Variants in EPM2A observed in about 807,000 individuals in gnomAD.
EPM2A encodes the protein EPM2A glucan phosphatase, laforin.
EPM2A carries 21 observed loss-of-function variants against 26.5 expected under a neutral mutation model. The ratio of observed to expected loss-of-function variants is 0.79; its 90% confidence interval spans 0.56 to 1.14. The LOEUF (loss-of-function observed/expected upper bound fraction) is 1.14. EPM2A is among the 50% of genes most tolerant of loss of function. The pLI, the probability that EPM2A is intolerant of heterozygous loss-of-function variation, is 0.00. For missense variants in EPM2A, 458 were observed against 440.8 expected (o/e 1.04, Z -0.35); for synonymous variants, 217 against 177.6 (o/e 1.22, Z -1.76).
intron 2 of EPM2A, among the ~76,000 whole-genome samples, chr6:145,509,642 C>T (rs1780026527): frequency 6.6e-6 from 1 of 152,102 alleles, no homozygotes; most frequent in Non-Finnish European, 1.5e-5. Context: ...CACAGAAGCA[C>T]ATAGCCTATG....
chr6:145,698,662 T>A (rs7744082), intron 1 of EPM2A, among the ~76,000 whole-genome samples: 10,132 of 151,992 alleles, frequency 0.067, 1,129 homozygotes, highest in African/African-American at 0.23. Flanking sequence ...GTGCATTTTT[T>A]AAAATACTAA....
At chr6:145,570,655 C>G (rs1190822537) in intron 2 of EPM2A, among the ~76,000 whole-genome samples, 1 of 152,198 alleles carries the variant, frequency 6.6e-6, no homozygotes, top group Non-Finnish European at 1.5e-5. Context: ...TTGCCTTCAG[C>G]AAGCACCTCA....
At position 145,626,328 on chromosome 6, in the gene EPM2A, C is replaced by A. The variant is rs1775805328; in HGVS notation, c.*1088G>T. ...ATATTATACTAAATTGAGAGCTGAG[C>A]CAGGATGGCCAAGGCTGTGAAGCAA... On this transcript the variant is annotated 3_prime_UTR_variant, in exon 4 of 4. Coordinates refer to ENST00000367519, the MANE Select transcript of EPM2A (RefSeq NM_005670.4). 2 of 985,854 alleles carry A rather than the reference C, an allele frequency of 2.0e-6. No homozygotes were observed. Among genetic ancestry groups the A allele is most frequent in the Non-Finnish European group, 2.4e-6 (2 of 830,100 alleles). The allele number at this position is 985,854 out of a possible 1,614,324, so 61.1% of individuals were successfully genotyped here. A position where few individuals can be genotyped will look rare whatever the true frequency, so the allele number is the denominator to read the frequency against.
chr6:145,702,351 G>A (rs1781962320), intron 1 of EPM2A, among the ~76,000 whole-genome samples: 1 of 152,112 alleles, frequency 6.6e-6, no homozygotes, highest in East Asian at 1.9e-4. Flanking sequence ...TTTTATAGCA[G>A]TTAAGTGCAT....
intron 4 of EPM2A, among the ~76,000 whole-genome samples, chr6:145,444,731 C>T (rs1779109384): frequency 1.3e-5 from 2 of 152,096 alleles, no homozygotes; most frequent in Admixed American, 1.3e-4. Context: ...CATTAGCACG[C>T]TATCTTATTT....
intron 1 of EPM2A, among the ~76,000 whole-genome samples, chr6:145,706,803 AAATT>A (rs1247006130): frequency 6.6e-6 from 1 of 152,214 alleles, no homozygotes; most frequent in African/African-American, 2.4e-5. Flanking sequence ...TAATAAATAT[AAATT>A]ATTTGAAGAG....
chr6:145,680,522 C>T (rs1780437798), intron 2 of EPM2A, among the ~76,000 whole-genome samples: 2 of 151,984 alleles, frequency 1.3e-5, no homozygotes, highest in Admixed American at 1.3e-4. Flanking sequence ...GGTGTATCTC[C>T]TAAAGCTATC....
chr6:145,437,732 GA>G (rs1185601997), intron 4 of EPM2A, among the ~76,000 whole-genome samples: 2 of 152,158 alleles, frequency 1.3e-5, no homozygotes, highest in Non-Finnish European at 2.9e-5. Flanking sequence ...CTAGACTCTT[GA>G]AATAGTATAA....
At chr6:145,722,316 G>A (rs552775889) in intron 1 of EPM2A, among the ~76,000 whole-genome samples, 5 of 152,138 alleles carry the variant, frequency 3.3e-5, no homozygotes, top group African/African-American at 9.6e-5. Flanking sequence ...AGAAGGATGG[G>A]GAAATTAAGA....
intron 2 of EPM2A, among the ~76,000 whole-genome samples, chr6:145,506,520 G>A (rs985333685): frequency 6.6e-6 from 1 of 151,768 alleles, no homozygotes; most frequent in Non-Finnish European, 1.5e-5. Flanking sequence ...AGATAGAATG[G>A]TGTACAGTTA....
At chr6:145,499,163 C>T (rs1485433535), downstream of EPM2A, among the ~76,000 whole-genome samples, 1 of 152,062 alleles carries the variant, frequency 6.6e-6, no homozygotes, top group African/African-American at 2.4e-5. Flanking sequence ...ATGTATAATG[C>T]TCTCACTCAA....
At chr6:145,619,174 G>A (rs1476587889) in intron 2 of EPM2A, among the ~76,000 whole-genome samples, 1 of 152,034 alleles carries the variant, frequency 6.6e-6, no homozygotes, top group Non-Finnish European at 1.5e-5. Flanking sequence ...AAAAAAAATT[G>A]GGGAATATTG....
chr6:145,710,844 C>T (rs1207049613), intron 1 of EPM2A, among the ~76,000 whole-genome samples: 1 of 151,782 alleles, frequency 6.6e-6, no homozygotes, highest in Non-Finnish European at 1.5e-5. Flanking sequence ...AGCTGGAAAT[C>T]ATCATTCTGA....
intron 2 of EPM2A, among the ~76,000 whole-genome samples, chr6:145,605,027 T>C (rs9497368): frequency 0.032 from 4,828 of 152,188 alleles, 87 homozygotes; most frequent in African/African-American, 0.057. Context: ...ACATATCTAA[T>C]GGAGAGGGGT....
intron 4 of EPM2A, among the ~76,000 whole-genome samples, chr6:145,393,369 T>C (rs528410667): frequency 3.7e-4 from 57 of 152,136 alleles, no homozygotes; most frequent in African/African-American, 1.3e-3. Flanking sequence ...AAATCACAGA[T>C]TGTTATTTTT....
Position 145,626,033 on chromosome 6 carries a change from C to T in EPM2A, c.*1383G>A. ...CTGACCTTAGTTTCCCCATCTTTAT[C>T]ATGGAGATAATGAGACCTTCTTCAT... On this transcript the variant is annotated 3_prime_UTR_variant, in exon 4 of 4. Coordinates refer to ENST00000367519, the MANE Select transcript of EPM2A (RefSeq NM_005670.4). 8.7e-7 allele frequency: 1 copy of T among 1,146,792 alleles called. No individual in the cohort carries two copies. Among genetic ancestry groups the T allele is most frequent in the Non-Finnish European group, 1.1e-6 (1 of 897,412 alleles). The allele number at this position is 1,146,792 out of a possible 1,614,324, so 71.0% of individuals were successfully genotyped here.
At chr6:145,438,713 C>T (rs1166896535) in intron 4 of EPM2A, among the ~76,000 whole-genome samples, 1 of 152,034 alleles carries the variant, frequency 6.6e-6, no homozygotes, top group Non-Finnish European at 1.5e-5. Flanking sequence ...ACCTCGTGAT[C>T]CACCCGCCTC....
chr6:145,635,078 T>C (rs988475519), intron 3 of EPM2A, 167 bp downstream of exon 3: 3 of 729,156 alleles, frequency 4.1e-6, no homozygotes, highest in Non-Finnish European at 6.6e-6. Context: ...TTAAACAGAA[T>C]CTTAGCCACA....
chr6:145,606,501 A>G (rs1401743920), intron 2 of EPM2A, among the ~76,000 whole-genome samples: 1 of 152,014 alleles, frequency 6.6e-6, no homozygotes, highest in East Asian at 1.9e-4. Flanking sequence ...TTTAAATGGG[A>G]AATATTTCTA....
Sources: allele counts gnomAD v4.1 joint callset (sites outside exome capture counted in the v4.1 genomes callset), GRCh38; gene constraint gnomAD v4.1.1; transcripts MANE v1.5; gene names NCBI Gene and HGNC (gene_info 2026-07-23, HGNC 2026-07-21).